HPS5: variants seen among roughly 807,000 people sequenced by gnomAD.
HPS5 encodes the protein BLOC-2 complex member HPS5.
HPS5 carries 83 observed loss-of-function variants against 128.0 expected under a neutral mutation model. That is an observed-to-expected ratio of 0.65 (90% CI 0.54 to 0.78). The LOEUF is 0.78. HPS5 is among the 30% of genes least tolerant of loss of function. The probability of loss-of-function intolerance (pLI) is 0.00; values close to 1 mark genes in which losing one functional copy is unlikely to be tolerated. For synonymous variants in HPS5, 475 were observed against 470.2 expected (o/e 1.01, Z -0.13); for missense variants, 1,281 against 1,326.2 (o/e 0.97, Z 0.53).
At chr11:18,310,988 T>C (rs755068147) in intron 4 of HPS5, 55 bp from the exon 5 acceptor site, 30 of 1,318,722 alleles carry the variant, frequency 2.3e-5, no homozygotes, top group African/African-American at 1.7e-4. Context: ...AGGTACAATT[T>C]TGTTGCATCA....
chr11:18,279,581 T>C lies in HPS5; in HGVS notation c.*301A>G, dbSNP rs1402682214. On this transcript the variant is annotated 3_prime_UTR_variant, in exon 23 of 23. Transcript: ENST00000349215. ...CACTAGCAACAAGCAGTTAATACTG[T>C]AGTTCGGAATAATACTAGGACATTA... 2.4e-6 allele frequency: 1 copy of C among 418,302 alleles called. No homozygotes were observed. The highest frequency in any genetic ancestry group is 2.0e-5 in the African/African-American group (1 of 49,560). The allele number at this position is 418,302 out of a possible 1,614,324, so 25.9% of individuals were successfully genotyped here.
At chr11:18,305,873 G>T (rs1017010466) in intron 7 of HPS5, among the ~76,000 whole-genome samples, 1 of 152,096 alleles carries the variant, frequency 6.6e-6, no homozygotes, top group African/African-American at 2.4e-5. Context: ...GGGACTACAG[G>T]CATGCGCCAC....
rs1860477565 is a variant in HPS5 at position 18,292,097 on chromosome 11, A to T, written c.1863-78T>A. The T allele has an allele frequency of 4.5e-6, 5 of 1,122,512 alleles. No individual in the cohort carries two copies. The Admixed American group carries it at 5.4e-5, about 12-fold the overall frequency. 69.5% of individuals were successfully genotyped at this position (1,122,512 alleles called of 1,614,324 possible). A position where few individuals can be genotyped will look rare whatever the true frequency, so the allele number is the denominator to read the frequency against. ...CAAATTAATTCATGCTAATAAATTA[A>T]CCTAACCAATGTAACATACTCATCT... On this transcript the variant is annotated intron_variant, in intron 15 of 22. Transcript: ENST00000349215.
chr11:18,308,985 A>G lies in HPS5; in HGVS notation c.572T>C (p.Ile191Thr), dbSNP rs1001798804. The G allele has an allele frequency of 4.3e-6, 7 of 1,613,918 alleles. No homozygotes were observed. Among genetic ancestry groups the G allele is most frequent in the Admixed American group, 3.3e-5 (2 of 60,008 alleles). The change falls in exon 6 of 23, where the codon ATA becomes ACA. Residue 191 changes from isoleucine to threonine, a missense_variant. Ile to Thr is a moderately conservative substitution (Grantham distance 89). Transcript: ENST00000349215. ...CAAGAAGGATCGAGTAAGTGAAGAT[A>G]TAAGTAGCCTTCCATCCAAATAATC... is the stretch of plus-strand genomic sequence containing the variant. Reference protein sequence around the residue: ...QLDYLDGRLLISSLTRSFLCD... With the variant: ...QLDYLDGRLLTSSLTRSFLCD...
chr11:18,285,313 C>G (rs1859563486), intron 20 of HPS5, 33 bp downstream of exon 20: 1 of 1,348,968 alleles, frequency 7.4e-7, no homozygotes, highest in Admixed American at 1.7e-5. Flanking sequence ...TGTTTCTAAC[C>G]TTAACTTCAG....
rs1165329603 is a variant in HPS5 at position 18,296,994 on chromosome 11, A to G, written c.1324-10T>C. On this transcript the variant is annotated splice_polypyrimidine_tract_variant and intron_variant, in intron 11 of 22. Coordinates refer to ENST00000349215, the MANE Select transcript of HPS5 (RefSeq NM_181507.2). ...AGATGCTGAAACTTTCCTAAAAATT[A>G]AAAGAATTCAAAAAAAAAAAAAGGT... 2.6e-6 allele frequency: 4 copies of G among 1,545,248 alleles called. No individual in the cohort carries two copies. The highest frequency in any genetic ancestry group is 8.9e-7 in the Non-Finnish European group (1 of 1,125,206).
rs1426551773 is a variant in HPS5 at position 18,298,990 on chromosome 11, G to A, written c.986-20C>T. 1 of 1,611,682 alleles carries A rather than the reference G, an allele frequency of 6.2e-7. No individual in the cohort carries two copies. Among genetic ancestry groups the A allele is most frequent in the South Asian group, 1.1e-5 (1 of 90,986 alleles). ...GAATATCTACGAAAACCACAGGTGT[G>A]AACATACAAAATGTTAACCAAATAC... On this transcript the variant is annotated intron_variant, in intron 9 of 22. Coordinates refer to ENST00000349215, the MANE Select transcript of HPS5 (RefSeq NM_181507.2).
intron 1 of HPS5, among the ~76,000 whole-genome samples, chr11:18,318,868 C>T (rs939601825): frequency 8.5e-5 from 13 of 152,146 alleles, no homozygotes; most frequent in Admixed American, 7.2e-4. Context: ...CACCCACCTA[C>T]GTGCCAGACA....
chr11:18,298,537 A>C lies in HPS5; in HGVS notation c.1164+255T>G, dbSNP rs60279422. On this transcript the variant is annotated intron_variant, in intron 10 of 22. Coordinates refer to ENST00000349215, the MANE Select transcript of HPS5 (RefSeq NM_181507.2). ...TTTAATTAAAATTTACCATATACGC[A>C]ATTATCCCCCTTAAAAACAAGTTCT... 2.4e-3 allele frequency among the ~76,000 whole-genome samples: 361 copies of C among 152,158 alleles called. 3 individuals carry two copies. The highest frequency in any genetic ancestry group is 8.2e-3 in the African/African-American group (339 of 41,508).
At chr11:18,321,104 T>G (rs1228331202) in intron 1 of HPS5, among the ~76,000 whole-genome samples, 1 of 152,224 alleles carries the variant, frequency 6.6e-6, no homozygotes, top group Non-Finnish European at 1.5e-5. Context: ...AGGGTTCAAT[T>G]TATTATCCTA....
At chr11:18,280,511 T>C in intron 22 of HPS5, 1 of 690,682 alleles carries the variant, frequency 1.4e-6, no homozygotes, top group Non-Finnish European at 2.6e-6. Context: ...AGAATTACCA[T>C]ATGATTCCAG....
rs773624740 is a variant in HPS5, at chr11:18,285,450, T to G, written c.2847A>C (p.Ser949=). The change falls in exon 20 of 23, where the codon TCA becomes TCC. Residue 949 remains serine (S), a synonymous_variant. Coordinates refer to ENST00000349215, the MANE Select transcript of HPS5 (RefSeq NM_181507.2). ...MDDEGYPRPH[S]HLLSWGYSQL... is the part of the protein sequence containing the mutation. ...GACTGTAACCCCAGGAAAGCAAGTG[T>G]GAATGAGGCCTATGAAATGAAAAGG... 2 of 1,604,054 alleles carry G rather than the reference T, an allele frequency of 1.2e-6. No homozygotes were observed. The highest frequency in any genetic ancestry group is 2.2e-5 in the South Asian group (2 of 90,842).
intron 13 of HPS5, 140 bp downstream of exon 13, chr11:18,295,859 G>T: frequency 2.2e-6 from 2 of 894,012 alleles, no homozygotes; most frequent in Non-Finnish European, 3.5e-6. Context: ...TAAATGAGAA[G>T]TTAATAGCTC....
Position 18,287,466 on chromosome 11 carries a change from C to T in HPS5, c.2717+69G>A. On this transcript the variant is annotated intron_variant, in intron 18 of 22. Transcript: ENST00000349215. ...TAATTAACAGTACACAATGTGACAC[C>T]TGCTTATAAAAGAGAAACAATGCCC... 7 of 1,539,516 alleles carry T rather than the reference C, an allele frequency of 4.5e-6. 1 individual carries two copies. The South Asian group carries it at 6.7e-5, about 15-fold the overall frequency.
At chr11:18,293,328 C>T (rs1860669174) in intron 14 of HPS5, among the ~76,000 whole-genome samples, 1 of 152,158 alleles carries the variant, frequency 6.6e-6, no homozygotes, top group African/African-American at 2.4e-5. Context: ...AGCATCATGC[C>T]TGGCTAATTT....
At position 18,311,573 on chromosome 11, in the gene HPS5, C is replaced by T. The variant is rs1863017816; in HGVS notation, c.220-122G>A. On this transcript the variant is annotated intron_variant, in intron 3 of 22. Transcript: ENST00000349215. ...TTGCCCAGGCTGGGGAGCAATGGTG[C>T]GATCTCGGCTCACTGCAACCTCCAC... The T allele has an allele frequency of 1.0e-5, 6 of 578,182 alleles. No individual in the cohort carries two copies. In the Admixed American group the frequency reaches 1.1e-4, roughly 10 times the overall value. The allele number at this position is 578,182 out of a possible 1,614,324, so 35.8% of individuals were successfully genotyped here.
At chr11:18,311,300 C>A in intron 4 of HPS5, 87 bp downstream of exon 4, 2 of 974,218 alleles carry the variant, frequency 2.1e-6, no homozygotes, top group Middle Eastern at 2.1e-4. Flanking sequence ...CCTAGGCAAA[C>A]CAGGATGGTT....
Position 18,311,970 on chromosome 11 carries a change from C to T in HPS5, c.163G>A (p.Gly55Arg), listed in dbSNP as rs774361456. ...KWLALGSSGG[G>R]LHLIQKEGWK... ...CCTTCTTTCTGAATGAGATGGAGTC[C>T]TCCTCCTGAACTGCCCAAAGCCAAC... The change falls in exon 3 of 23, where the codon GGA becomes AGA. Residue 55 changes from glycine to arginine, a missense_variant. By Grantham distance (125) the Gly-to-Arg change is moderately radical. Coordinates refer to ENST00000349215, the MANE Select transcript of HPS5 (RefSeq NM_181507.2). 33 of 1,613,908 alleles carry T rather than the reference C, an allele frequency of 2.0e-5. No individual in the cohort carries two copies. The South Asian group carries it at 2.7e-4, about 13-fold the overall frequency.
chr11:18,303,527 T>C (rs1174118027), intron 8 of HPS5, among the ~76,000 whole-genome samples: 2 of 152,160 alleles, frequency 1.3e-5, no homozygotes, highest in African/African-American at 4.8e-5. Context: ...CAGCTTTAAA[T>C]AGCTACAGCC....
Sources: allele counts gnomAD v4.1 joint callset (sites outside exome capture counted in the v4.1 genomes callset), GRCh38; gene constraint gnomAD v4.1.1; transcripts MANE v1.5; gene names NCBI Gene and HGNC (gene_info 2026-07-23, HGNC 2026-07-21).